The following TRAF7 variants were observed in gnomAD, a reference collection of about 807,000 sequenced individuals.
TRAF7 encodes the protein TNF receptor associated factor 7, also known as E3 ubiquitin-protein ligase TRAF7.
Under a neutral mutation model 89.3 loss-of-function variants are expected in TRAF7, and 45 were observed. The observed-to-expected ratio is 0.50, with a 90% CI of 0.40 to 0.65. TRAF7 has a LOEUF of 0.65. Among genes scored for constraint, TRAF7 ranks in the 30% least tolerant of loss-of-function variants. TRAF7 has a pLI of 0.00. For missense variants in TRAF7, 677 were observed against 918.1 expected (o/e 0.74, Z 3.39); for synonymous variants, 406 against 369.2 (o/e 1.10, Z -1.14).
chr16:2,173,859 T>TGGGGGCC, intron 12 of TRAF7, 23 bp downstream of exon 12: 5 of 1,246,094 alleles, frequency 4.0e-6, no homozygotes, highest in Non-Finnish European at 5.5e-6. Context: ...CCGCCGTGGC[T>TGGGGGCC]CCCGCCCACC....
In TRAF7 at chr16:2,170,046, G is replaced by A. The variant is rs992003572; in HGVS notation, c.232-568G>A. On this transcript the variant is annotated intron_variant, in intron 4 of 20. Coordinates refer to ENST00000326181, the MANE Select transcript of TRAF7 (RefSeq NM_032271.3). ...GTGGCTCAGCCAGAGGCAGGCACCT[G>A]TGGCCCTCACTCCTGCCCTCGGGAA... is the stretch of plus-strand genomic sequence containing the variant. 2.6e-5 allele frequency among the ~76,000 whole-genome samples: 4 copies of A among 152,208 alleles called. No homozygotes were observed. In the South Asian group the frequency reaches 6.2e-4, roughly 24 times the overall value.
intron 3 of TRAF7, among the ~76,000 whole-genome samples, chr16:2,167,828 A>G (rs149593123): frequency 3.6e-4 from 55 of 152,202 alleles, no homozygotes; most frequent in African/African-American, 1.2e-3. Context: ...GGCAGGGGCT[A>G]CCGGGCTCAG....
chr16:2,172,752 A>G (rs1382146464), intron 9 of TRAF7, among the ~76,000 whole-genome samples, 153 bp downstream of exon 9: 2 of 151,972 alleles, frequency 1.3e-5, no homozygotes, highest in Non-Finnish European at 2.9e-5. Flanking sequence ...GGCCCTGGAA[A>G]CCCAGAGGGG....
chr16:2,161,257 T>C lies in TRAF7; in HGVS notation c.-38-2626T>C. Among the ~76,000 whole-genome samples the C allele has an allele frequency of 7.5e-6, 1 of 132,634 alleles. No homozygotes were observed. Among genetic ancestry groups the C allele is most frequent in the South Asian group, 2.8e-4 (1 of 3,612 alleles). 87.0% of individuals were successfully genotyped at this position (132,634 alleles called of 152,430 possible). A position where few individuals can be genotyped will look rare whatever the true frequency, so the allele number is the denominator to read the frequency against. ...CTCCCTCCCTCCGTCCCCTCCCTCC[T>C]TCCGTCCCCCTCAGCTGGCGCTCGA... On this transcript the variant is annotated intron_variant, in intron 1 of 20. Coordinates refer to ENST00000326181, the MANE Select transcript of TRAF7 (RefSeq NM_032271.3). This position sits in a 1 kb window ranked among gnomAD's most constrained non-coding sequence, Gnocchi z 5.2.
Position 2,162,035 on chromosome 16 carries a change from C to A in TRAF7, c.-38-1848C>A, listed in dbSNP as rs1294176160. The stretch of plus-strand genomic sequence containing the variant: ...CCAAGCCCCTCGAGTCGCAGTGGGG[C>A]CTGGGGAAGGCCGAGGGAGGCTTTG... On this transcript the variant is annotated intron_variant, in intron 1 of 20. Transcript: ENST00000326181. This position sits in a 1 kb window ranked among gnomAD's most constrained non-coding sequence, Gnocchi z 5.0. 6.6e-6 allele frequency among the ~76,000 whole-genome samples: 1 copy of A among 152,156 alleles called. No homozygotes were observed. The highest frequency in any genetic ancestry group is 1.9e-4 in the East Asian group (1 of 5,176).
In TRAF7 at chr16:2,176,853, G is replaced by T; in HGVS notation, c.*279G>T. 6 of 586,222 alleles carry T rather than the reference G, an allele frequency of 1.0e-5. No individual in the cohort carries two copies. The highest frequency in any genetic ancestry group is 1.9e-5 in the African/African-American group (1 of 53,712). 36.3% of individuals were successfully genotyped at this position (586,222 alleles called of 1,614,324 possible). On this transcript the variant is annotated 3_prime_UTR_variant, in exon 21 of 21. Transcript: ENST00000326181. ...CATCCCCACCCTAGATGGAGCGAGGGCCTTTTTACTCACCTTTTCTACCGT... is the reference window on the plus strand; with the variant it reads ...CATCCCCACCCTAGATGGAGCGAGGTCCTTTTTACTCACCTTTTCTACCGT...
At chr16:2,167,944 T>C in intron 3 of TRAF7, 133 bp from the exon 4 acceptor site, 1 of 740,684 alleles carries the variant, frequency 1.4e-6, no homozygotes, top group Non-Finnish European at 2.2e-6. Context: ...CTGCATGCTT[T>C]CCTGCCTGCC....
At position 2,176,075 on chromosome 16, in the gene TRAF7, G is replaced by A; in HGVS notation, c.1773G>A (p.Gln591=). The A allele has an allele frequency of 6.2e-7, 1 of 1,610,514 alleles. No individual in the cohort carries two copies. The highest frequency in any genetic ancestry group is 8.5e-7 in the Non-Finnish European group (1 of 1,178,538). ...IHVWDIESKE[Q]VRTLTGHVGT... The stretch of plus-strand genomic sequence containing the variant: ...TGTGGGACATTGAGTCCAAGGAGCA[G>A]GTGCGGACCCTCACGGGCCACGTGG... The change falls in exon 19 of 21, where the codon CAG becomes CAA. Residue 591 remains glutamine (Q), a synonymous_variant. Coordinates refer to ENST00000326181, the MANE Select transcript of TRAF7 (RefSeq NM_032271.3).
rs1274638138 is a variant in TRAF7, at chr16:2,163,233, C to T, written c.-38-650C>T. On this transcript the variant is annotated intron_variant, in intron 1 of 20. Coordinates refer to ENST00000326181, the MANE Select transcript of TRAF7 (RefSeq NM_032271.3). This position sits in a 1 kb window ranked among gnomAD's most constrained non-coding sequence, Gnocchi z 4.3. Reference sequence around the variant, plus strand: ...CAGCCCCTGAGCCCCTGTGGCGTGGCTGGGAGTGTGGGTGACCTGCACGGG... The same window carrying T: ...CAGCCCCTGAGCCCCTGTGGCGTGGTTGGGAGTGTGGGTGACCTGCACGGG... 6.6e-6 allele frequency among the ~76,000 whole-genome samples: 1 copy of T among 152,190 alleles called. No homozygotes were observed. The highest frequency in any genetic ancestry group is 1.5e-5 in the Non-Finnish European group (1 of 68,016).
In TRAF7 at chr16:2,168,097, A is replaced by C. The variant is rs200475538; in HGVS notation, c.160A>C (p.Lys54Gln). 1.2e-6 allele frequency: 2 copies of C among 1,611,518 alleles called. No individual in the cohort carries two copies. The highest frequency in any genetic ancestry group is 2.2e-5 in the East Asian group (1 of 44,832). ...TGCAGCTGACGGGACCAGCACCTAC[A>C]AGCAGCACTGCAGGACACCCTCCTC... ...ITKADGTSTY[K>Q]QHCRTPSSSS... The change falls in exon 4 of 21, where the codon AAG becomes CAG. Residue 54 changes from lysine to glutamine, a missense_variant. Lys to Gln is a moderately conservative substitution (Grantham distance 53, BLOSUM62 1). This residue lies in a region of TRAF7 where 240 missense variants were observed against 191.9 expected (regional missense o/e 1.25). Transcript: ENST00000326181. The surrounding 1 kb of genome is among the most constrained non-coding windows in gnomAD (Gnocchi z 4.1).
chr16:2,156,434 T>A, intron 1 of TRAF7, among the ~76,000 whole-genome samples: 1 of 151,736 alleles, frequency 6.6e-6, no homozygotes, highest in East Asian at 1.9e-4. Flanking sequence ...ACAGACAGGG[T>A]GGTGGGATTG....
chr16:2,171,488 A>G, intron 6 of TRAF7, 84 bp from the exon 7 acceptor site: 1 of 1,595,270 alleles, frequency 6.3e-7, no homozygotes, highest in Non-Finnish European at 8.5e-7. Context: ...CTTGGGGTAC[A>G]GCGAGGCCTG....
At chr16:2,160,617 AGG>A (rs1036323609) in intron 1 of TRAF7, among the ~76,000 whole-genome samples, 1 of 123,490 alleles carries the variant, frequency 8.1e-6, no homozygotes, top group Admixed American at 8.3e-5. Context: ...AGGGAGGGGT[AGG>A]GGGGCTGATG....
intron 9 of TRAF7, 116 bp from the exon 10 acceptor site, chr16:2,173,066 G>A (rs959097606): frequency 8.9e-6 from 8 of 898,240 alleles, no homozygotes; most frequent in Admixed American, 2.1e-5. Flanking sequence ...GTGTGGGTGG[G>A]GGCAGCTGGA....
rs756364996 is a variant in TRAF7 at position 2,164,157 on chromosome 16, TGTGCGC to T, written c.81+158_81+163del. ...GGGGTGTGGTGTGTGTGTGTGTGTG[TGTGCGC>T]GCGCGCGCGCGCGCGCGCACGCGTG... On this transcript the variant is annotated intron_variant, in intron 2 of 20. Transcript: ENST00000326181. 5.7e-4 allele frequency among the ~76,000 whole-genome samples: 72 copies of T among 126,514 alleles called. 1 individual carries two copies. Among genetic ancestry groups the T allele is most frequent in the South Asian group, 2.3e-3 (9 of 3,892 alleles). 83.0% of individuals were successfully genotyped at this position (126,514 alleles called of 152,430 possible).
chr16:2,170,531 G>C (rs775277135), intron 4 of TRAF7, 83 bp from the exon 5 acceptor site: 198 of 1,048,802 alleles, frequency 1.9e-4, no homozygotes, highest in Non-Finnish European at 2.7e-4. Flanking sequence ...CTGCCCTCGC[G>C]CTTCCGCCGG....
rs1203737552 is a variant in TRAF7, at chr16:2,175,402, C to T, written c.1488C>T (p.Ser496=). The stretch of plus-strand genomic sequence containing the variant: ...CACACAACGTGCTCTTCAGCGGCTC[C>T]CTGAAGGCCATCAAGGTACGGGTGG... ...VSSHNVLFSG[S]LKAIKVWDIV... The change falls in exon 16 of 21, where the codon TCC becomes TCT. Residue 496 remains serine, a synonymous_variant. Transcript: ENST00000326181. The T allele has an allele frequency of 4.3e-6, 7 of 1,613,436 alleles. No individual in the cohort carries two copies. The South Asian group carries it at 7.7e-5, about 18-fold the overall frequency.
At position 2,164,088 on chromosome 16, in the gene TRAF7, G is replaced by A. The variant is rs1174621608; in HGVS notation, c.81+87G>A. 5.8e-5 allele frequency: 75 copies of A among 1,288,672 alleles called. 1 individual carries two copies. Among genetic ancestry groups the A allele is most frequent in the Middle Eastern group, 2.0e-4 (1 of 5,002 alleles). 79.8% of individuals were successfully genotyped at this position (1,288,672 alleles called of 1,614,324 possible). ...TGGTGTTGCCTGCAGAGCTCCCAGC[G>A]CAGTCCCGTCCCGAGCTGGGGTCTC... is the stretch of plus-strand genomic sequence containing the variant. On this transcript the variant is annotated intron_variant, in intron 2 of 20. Coordinates refer to ENST00000326181, the MANE Select transcript of TRAF7 (RefSeq NM_032271.3).
Position 2,177,816 on chromosome 16 carries a change from G to A in TRAF7, c.*1242G>A, listed in dbSNP as rs1456757109. ...CAAGGCACAACCTCGAGTTCTTGGG[G>A]CGCAGAGAACTTAGGAGAGAAGCAC... On this transcript the variant is annotated 3_prime_UTR_variant, in exon 21 of 21. Transcript: ENST00000326181. The A allele has an allele frequency of 1.2e-5, 3 of 245,426 alleles. No individual in the cohort carries two copies. Among genetic ancestry groups the A allele is most frequent in the African/African-American group, 4.4e-5 (2 of 45,084 alleles). The allele number at this position is 245,426 out of a possible 1,614,324, so 15.2% of individuals were successfully genotyped here. A position where few individuals can be genotyped will look rare whatever the true frequency, so the allele number is the denominator to read the frequency against.
Sources: gnomAD v4.1 joint callset for allele counts (sites outside exome capture counted in the v4.1 genomes callset) on GRCh38, gnomAD v4.1.1 for gene constraint, gnomAD v4.1.1 regional missense constraint, Gnocchi (gnomAD v3.1) non-coding constraint, MANE v1.5 for transcripts, NCBI Gene and HGNC (gene_info 2026-07-23, HGNC 2026-07-21) for gene names.